The following GTF2IRD1 variants were observed in gnomAD, a reference collection of about 807,000 sequenced individuals.
GTF2IRD1 encodes the protein GTF2I repeat domain containing 1.
GTF2IRD1 carries 26 observed loss-of-function variants against 113.2 expected under a neutral mutation model. The ratio of observed to expected loss-of-function variants is 0.23; its 90% confidence interval spans 0.17 to 0.32. GTF2IRD1 has a LOEUF of 0.32. Ranked by LOEUF, GTF2IRD1 falls within the 10% of genes least tolerant of loss-of-function variation. The pLI is 1.00. For missense variants in GTF2IRD1, 864 were observed against 1,280.8 expected, an observed-to-expected ratio of 0.67 and a Z score of 4.97; for synonymous variants, 484 against 529.1, an observed-to-expected ratio of 0.91 and a Z score of 1.17.
At chr7:74,560,587 G>T (rs1201517365) in intron 22 of GTF2IRD1, among the ~76,000 whole-genome samples, 16 of 148,634 alleles carry the variant, frequency 1.1e-4, no homozygotes, top group Non-Finnish European at 1.9e-4. Context: ...TATATAGAGA[G>T]AGAGAGAGAC....
intron 1 of GTF2IRD1, among the ~76,000 whole-genome samples, chr7:74,462,715 C>T (rs1217099367): frequency 6.6e-6 from 1 of 152,204 alleles, no homozygotes. Flanking sequence ...CCCATCACTA[C>T]CCACCCCCCA....
intron 22 of GTF2IRD1, among the ~76,000 whole-genome samples, chr7:74,574,958 C>T (rs1800940263): frequency 6.6e-6 from 1 of 152,028 alleles, no homozygotes; most frequent in East Asian, 1.9e-4. Context: ...AGCATCATGA[C>T]ACACACCTAT....
intron 22 of GTF2IRD1, among the ~76,000 whole-genome samples, chr7:74,561,153 A>G (rs2130796532): frequency 6.6e-6 from 1 of 151,918 alleles, no homozygotes; most frequent in Middle Eastern, 3.4e-3. Context: ...GTTCGAGATC[A>G]GCCTGACCAA....
At chr7:74,594,517 C>T (rs1554371432) in intron 24 of GTF2IRD1, among the ~76,000 whole-genome samples, 1 of 152,218 alleles carries the variant, frequency 6.6e-6, no homozygotes, top group Non-Finnish European at 1.5e-5. Flanking sequence ...TTTGCCAGCA[C>T]AGGCCCATCA....
rs181662658 is a variant in GTF2IRD1, at chr7:74,514,473, A to G, written c.266-968A>G. ...ACGCAGAGCCGCTATTTATAGCACC[A>G]GGAACTCGGCTGGTTTATTTCAAGC... On this transcript the variant is annotated intron_variant, in intron 3 of 26. Coordinates refer to ENST00000424337, the MANE Select transcript of GTF2IRD1 (RefSeq NM_005685.4). Among the ~76,000 whole-genome samples the G allele has an allele frequency of 5.5e-3, 837 of 152,278 alleles. 1 individual carries two copies. The highest frequency in any genetic ancestry group is 9.7e-3 in the Non-Finnish European group (658 of 68,026).
At chr7:74,576,367 C>T (rs972090259) in intron 22 of GTF2IRD1, among the ~76,000 whole-genome samples, 4 of 151,272 alleles carry the variant, frequency 2.6e-5, no homozygotes, top group African/African-American at 9.7e-5. Context: ...TCGAGACCAG[C>T]CTGGCCAACG....
At chr7:74,470,516 C>T (rs1554332056) in intron 1 of GTF2IRD1, among the ~76,000 whole-genome samples, 2 of 152,232 alleles carry the variant, frequency 1.3e-5, no homozygotes, top group African/African-American at 4.8e-5. Flanking sequence ...CTTCACCTAC[C>T]ATATGACTAG....
intron 22 of GTF2IRD1, among the ~76,000 whole-genome samples, chr7:74,570,049 C>T (rs797037338): frequency 3.9e-5 from 6 of 152,170 alleles, no homozygotes; most frequent in African/African-American, 1.4e-4. Context: ...AGCATTGAGG[C>T]AGCGGTTTTC....
intron 1 of GTF2IRD1, among the ~76,000 whole-genome samples, chr7:74,484,862 T>C (rs1341700733): frequency 6.6e-6 from 1 of 152,204 alleles, no homozygotes; most frequent in Non-Finnish European, 1.5e-5. Context: ...TTTTGGCTAT[T>C]GTGAATACTG....
At chr7:74,575,273 G>A (rs1055076320) in intron 22 of GTF2IRD1, among the ~76,000 whole-genome samples, 3 of 152,170 alleles carry the variant, frequency 2.0e-5, no homozygotes, top group Non-Finnish European at 4.4e-5. Context: ...AGGGGCAGCA[G>A]GGAACAGCAT....
chr7:74,538,853 G>C (rs1483240724), intron 13 of GTF2IRD1, 93 bp downstream of exon 13: 2 of 724,998 alleles, frequency 2.8e-6, no homozygotes, highest in Admixed American at 2.2e-5. Flanking sequence ...TGGCCTCCAG[G>C]CCGCTGTTTC....
intron 1 of GTF2IRD1, among the ~76,000 whole-genome samples, chr7:74,481,316 G>A (rs1433696665): frequency 6.6e-6 from 1 of 151,692 alleles, no homozygotes; most frequent in Non-Finnish European, 1.5e-5. Context: ...CACCACGCCC[G>A]GCTCATATTT....
intron 3 of GTF2IRD1, among the ~76,000 whole-genome samples, chr7:74,513,738 G>A (rs1349432984): frequency 2.0e-5 from 3 of 152,206 alleles, no homozygotes; most frequent in South Asian, 2.1e-4. Flanking sequence ...TAGGCCAGGT[G>A]CAGTGGCTCA....
At chr7:74,577,285 C>T (rs1348576075) in intron 22 of GTF2IRD1, among the ~76,000 whole-genome samples, 12 of 152,182 alleles carry the variant, frequency 7.9e-5, no homozygotes, top group Admixed American at 2.6e-4. Flanking sequence ...GCGATCCACC[C>T]GCCTCAGCCT....
In GTF2IRD1 at chr7:74,564,939, A is replaced by G. The variant is rs782447206; in HGVS notation, c.2320+5284A>G. On this transcript the variant is annotated intron_variant, in intron 22 of 26. Transcript: ENST00000424337. ...GGACTTGGACCAAGCCTCAGAGGGC[A>G]GTGGGTGAATTTCAGGCCTCAGGTC... Among the ~76,000 whole-genome samples the G allele has an allele frequency of 2.0e-5, 3 of 152,204 alleles. No homozygotes were observed. In the South Asian group the frequency reaches 6.2e-4, roughly 32 times the overall value.
At chr7:74,478,942 T>C (rs1397653807) in intron 1 of GTF2IRD1, among the ~76,000 whole-genome samples, 2 of 150,072 alleles carry the variant, frequency 1.3e-5, no homozygotes, top group African/African-American at 4.9e-5. Flanking sequence ...AGAGATGGGG[T>C]CTCACTATGT....
At position 74,574,853 on chromosome 7, in the gene GTF2IRD1, C is replaced by T. The variant is rs1048216019; in HGVS notation, c.2321-14998C>T. On this transcript the variant is annotated intron_variant, in intron 22 of 26. Coordinates refer to ENST00000424337, the MANE Select transcript of GTF2IRD1 (RefSeq NM_005685.4). ...TCTGTAATCCCAGCACTTCGGGAGG[C>T]TGAGGTGGGCGGATCACCTAAGGTC... 2.0e-5 allele frequency among the ~76,000 whole-genome samples: 3 copies of T among 151,442 alleles called. No individual in the cohort carries two copies. In the South Asian group the frequency reaches 6.2e-4, roughly 31 times the overall value.
intron 23 of GTF2IRD1, among the ~76,000 whole-genome samples, chr7:74,590,272 G>A (rs368124563): frequency 4.5e-4 from 69 of 151,658 alleles, no homozygotes; most frequent in Middle Eastern, 3.4e-3. Context: ...GTAGAGACAA[G>A]GTTTCACTAT....
intron 1 of GTF2IRD1, among the ~76,000 whole-genome samples, chr7:74,491,310 T>C (rs557535091): frequency 5.9e-4 from 80 of 135,960 alleles, no homozygotes; most frequent in African/African-American, 2.3e-3. Flanking sequence ...AAAAAAAAAT[T>C]CTTTTTTTTT....
Sources: allele counts gnomAD v4.1 joint callset (sites outside exome capture counted in the v4.1 genomes callset), GRCh38; gene constraint gnomAD v4.1.1; transcripts MANE v1.5; gene names NCBI Gene and HGNC (gene_info 2026-07-23, HGNC 2026-07-21).